The following RARB variants were observed in gnomAD, a reference collection of about 807,000 sequenced individuals.
RARB encodes the protein retinoic acid receptor beta.
Under a neutral mutation model 51.9 loss-of-function variants are expected in RARB, and 17 were observed. The ratio of observed to expected loss-of-function variants is 0.33; its 90% CI spans 0.22 to 0.49. The LOEUF (loss-of-function observed/expected upper bound fraction) is 0.49, where lower values mean the gene tolerates loss of function less well. Ranked by LOEUF, RARB falls within the 20% of genes least tolerant of loss-of-function variation. RARB has a pLI of 0.99. For missense variants in RARB, 369 were observed against 550.8 expected (o/e 0.67, Z 3.30); for synonymous variants, 215 against 195.4 (o/e 1.10, Z -0.84).
chr3:24,951,156 T>G (rs1695883094), intron 2 of RARB, among the ~76,000 whole-genome samples: 1 of 152,170 alleles, frequency 6.6e-6, no homozygotes, highest in Non-Finnish European at 1.5e-5. Context: ...GGGCTTTATG[T>G]GCACACTCTT....
chr3:25,308,282 A>T (rs1704200262), intron 5 of RARB, among the ~76,000 whole-genome samples: 1 of 151,646 alleles, frequency 6.6e-6, no homozygotes, highest in Admixed American at 6.6e-5. Flanking sequence ...TCTGTTAGGA[A>T]CTCTTCCTGG....
chr3:24,858,186 T>G (rs1208586862), intron 1 of RARB, among the ~76,000 whole-genome samples: 1 of 152,192 alleles, frequency 6.6e-6, no homozygotes, highest in Non-Finnish European at 1.5e-5. Flanking sequence ...AGAACTTATT[T>G]TATTATGTAA....
chr3:24,883,303 G>T (rs546248491), intron 2 of RARB, among the ~76,000 whole-genome samples: 1 of 151,570 alleles, frequency 6.6e-6, no homozygotes, highest in Admixed American at 6.6e-5. Context: ...ATATTCAGGG[G>T]TGAAAGATTC....
At chr3:25,088,356 C>A (rs771953701) in intron 3 of RARB, among the ~76,000 whole-genome samples, 6 of 152,110 alleles carry the variant, frequency 3.9e-5, no homozygotes, top group African/African-American at 7.2e-5. Context: ...GAGTTTTATT[C>A]GGTCTCAAAA....
intron 5 of RARB, among the ~76,000 whole-genome samples, chr3:25,387,309 A>G (rs1416133366): frequency 2.6e-5 from 4 of 152,160 alleles, no homozygotes; most frequent in Non-Finnish European, 5.9e-5. Flanking sequence ...ATTGAAGAAA[A>G]TAAATTCAAA....
intron 5 of RARB, among the ~76,000 whole-genome samples, chr3:25,421,821 C>T (rs978722999): frequency 5.5e-4 from 84 of 152,178 alleles, no homozygotes; most frequent in African/African-American, 2.0e-3. Flanking sequence ...AGTTAAGTAA[C>T]TTTGCCTAGC....
rs1701838126 is a variant in RARB, at chr3:25,596,493, G to A, written c.1224G>A (p.Glu408=). The stretch of plus-strand genomic sequence containing the variant: ...CACCTCTCATTCAAGAAATGCTGGA[G>A]AATTCTGAAGGACATGAACCCTTGA... ...SMPPLIQEML[E]NSEGHEPLTP... is the part of the protein sequence containing the mutation. The change falls in exon 8 of 8, where the codon GAG becomes GAA. Residue 408 remains glutamate (E), a synonymous_variant. Transcript: ENST00000330688. The A allele has an allele frequency of 1.2e-6, 2 of 1,613,556 alleles. No individual in the cohort carries two copies. Among genetic ancestry groups the A allele is most frequent in the Non-Finnish European group, 1.7e-6 (2 of 1,179,562 alleles).
intron 3 of RARB, among the ~76,000 whole-genome samples, chr3:25,531,377 T>C: frequency 9.0e-6 from 1 of 111,694 alleles, no homozygotes; most frequent in Non-Finnish European, 1.8e-5. Flanking sequence ...GATAGGTAGA[T>C]AGATAGATAG....
intron 2 of RARB, among the ~76,000 whole-genome samples, chr3:25,028,908 C>T (rs1323788351): frequency 6.6e-6 from 1 of 152,176 alleles, no homozygotes; most frequent in Non-Finnish European, 1.5e-5. Context: ...ACCATGTTAA[C>T]CTCCAACTCC....
At chr3:24,849,416 A>G (rs1291028051) in intron 1 of RARB, among the ~76,000 whole-genome samples, 2 of 152,240 alleles carry the variant, frequency 1.3e-5, no homozygotes. Flanking sequence ...TGCTGGTTCC[A>G]GTTATTCTCG....
rs1401014797 is a variant in RARB at position 24,990,706 on chromosome 3, C to T, written c.-379-69419C>T. ...TTTTTTATTACACCCTGCTCTTTGGCTTGTATAGTCCTGCCTCCTCATTAT... is the reference window on the plus strand; with the variant it reads ...TTTTTTATTACACCCTGCTCTTTGGTTTGTATAGTCCTGCCTCCTCATTAT... On this transcript the variant is annotated intron_variant, in intron 2 of 11. Coordinates refer to the RARB transcript ENST00000383772. 4.8e-5 allele frequency among the ~76,000 whole-genome samples: 2 copies of T among 42,100 alleles called. 1 individual carries two copies. Among genetic ancestry groups the T allele is most frequent in the Non-Finnish European group, 9.0e-5 (2 of 22,184 alleles). The allele number at this position is 42,100 out of a possible 152,430, so 27.6% of individuals were successfully genotyped here. A position where few individuals can be genotyped will look rare whatever the true frequency, so the allele number is the denominator to read the frequency against.
intron 3 of RARB, among the ~76,000 whole-genome samples, chr3:25,544,262 T>C (rs994931458): frequency 3.3e-5 from 5 of 152,228 alleles, no homozygotes; most frequent in African/African-American, 7.2e-5. Context: ...ATAGGGCTTA[T>C]TTTGAGGACA....
At chr3:25,223,493 T>C (rs1449128727) in intron 5 of RARB, among the ~76,000 whole-genome samples, 1 of 151,676 alleles carries the variant, frequency 6.6e-6, no homozygotes, top group East Asian at 2.1e-4. Context: ...AATATATTTT[T>C]TTAATACTTT....
intron 5 of RARB, among the ~76,000 whole-genome samples, chr3:25,202,434 C>T (rs529725833): frequency 6.6e-6 from 1 of 152,058 alleles, no homozygotes; most frequent in South Asian, 2.1e-4. Context: ...TCTCTATCTC[C>T]TTCAGTTCTG....
At chr3:24,923,166 A>T (rs1695253666) in intron 2 of RARB, among the ~76,000 whole-genome samples, 1 of 152,184 alleles carries the variant, frequency 6.6e-6, no homozygotes, top group East Asian at 1.9e-4. Context: ...AATCTACTGC[A>T]AAACTGAACT....
intron 5 of RARB, among the ~76,000 whole-genome samples, chr3:25,416,380 C>G (rs575401903): frequency 2.0e-5 from 3 of 152,144 alleles, no homozygotes; most frequent in Non-Finnish European, 4.4e-5. Context: ...CAAAGTGAGA[C>G]TTTGTCTCAT....
At chr3:25,223,269 C>G (rs904629545) in intron 5 of RARB, among the ~76,000 whole-genome samples, 1 of 152,096 alleles carries the variant, frequency 6.6e-6, no homozygotes, top group Non-Finnish European at 1.5e-5. Flanking sequence ...AGTCTTTTGA[C>G]TTCTTTCATA....
At chr3:25,396,884 C>G (rs1231728698) in intron 5 of RARB, among the ~76,000 whole-genome samples, 1 of 152,138 alleles carries the variant, frequency 6.6e-6, no homozygotes, top group South Asian at 2.1e-4. Flanking sequence ...TCCAACTGTG[C>G]CCCACCAACA....
intron 5 of RARB, among the ~76,000 whole-genome samples, chr3:25,408,184 T>C (rs972232831): frequency 2.0e-5 from 3 of 152,202 alleles, no homozygotes; most frequent in African/African-American, 4.8e-5. Context: ...TCTCATTTCT[T>C]GATTCCTCAG....
Sources: allele counts gnomAD v4.1 joint callset (sites outside exome capture counted in the v4.1 genomes callset), GRCh38; gene constraint gnomAD v4.1.1; transcripts MANE v1.5; gene names NCBI Gene and HGNC (gene_info 2026-07-23, HGNC 2026-07-21).